STRN3: variants seen among roughly 807,000 people sequenced by gnomAD.
The protein encoded by STRN3 is striatin-3.
In STRN3, 29 loss-of-function variants were observed where a neutral mutation model predicts 95.6. The ratio of observed to expected loss-of-function variants is 0.30; its 90% CI spans 0.23 to 0.41. The LOEUF (loss-of-function observed/expected upper bound fraction) is 0.41, where lower values mean the gene tolerates loss of function less well. Among genes scored for constraint, STRN3 ranks in the 10% least tolerant of loss-of-function variants. STRN3 has a pLI of 1.00. For missense variants in STRN3, 890 were observed against 972.1 expected (o/e 0.92, Z 1.12); for synonymous variants, 331 against 357.6 (o/e 0.93, Z 0.84).
intron 8 of STRN3, among the ~76,000 whole-genome samples, chr14:30,926,132 A>G (rs568517610): frequency 1.3e-5 from 2 of 152,144 alleles, no homozygotes; most frequent in Non-Finnish European, 2.9e-5. Flanking sequence ...AAAGTTTTCA[A>G]TTTATAAACC....
chr14:30,900,810 T>G (rs1277209027), intron 16 of STRN3, among the ~76,000 whole-genome samples: 1 of 151,938 alleles, frequency 6.6e-6, no homozygotes, highest in Non-Finnish European at 1.5e-5. Context: ...ATTATCTTCA[T>G]ACTACAGGTA....
rs1896068436 is a variant in STRN3 at position 30,894,265 on chromosome 14, T to C, written c.*1146A>G. 6.6e-6 allele frequency: 1 copy of C among 152,358 alleles called. No homozygotes were observed. The highest frequency in any genetic ancestry group is 2.4e-5 in the African/African-American group (1 of 41,450). 9.4% of individuals were successfully genotyped at this position (152,358 alleles called of 1,614,324 possible). ...ATATTTTTAAACAAGTTAGTTTTGT[T>C]TGGAATCATGGTAAACCAAGATATA... On this transcript the variant is annotated 3_prime_UTR_variant, in exon 18 of 18. Coordinates refer to ENST00000357479, the MANE Select transcript of STRN3 (RefSeq NM_001083893.2).
chr14:30,962,353 T>C (rs1459962044), intron 1 of STRN3, among the ~76,000 whole-genome samples: 1 of 152,172 alleles, frequency 6.6e-6, no homozygotes. Context: ...TGGTAAGCTA[T>C]TATTGAAGAA....
intron 1 of STRN3, among the ~76,000 whole-genome samples, chr14:30,972,323 A>G (rs556145608): frequency 6.6e-6 from 1 of 152,074 alleles, no homozygotes; most frequent in Non-Finnish European, 1.5e-5. Flanking sequence ...TAAATTAGCC[A>G]ATCGGAATTA....
At chr14:30,913,900 G>A (rs1285371844) in intron 9 of STRN3, among the ~76,000 whole-genome samples, 1 of 151,666 alleles carries the variant, frequency 6.6e-6, no homozygotes, top group Non-Finnish European at 1.5e-5. Flanking sequence ...TGGAAGCTAG[G>A]GCACAAAAGC....
intron 1 of STRN3, chr14:31,018,447 T>C (rs533908038): frequency 7.3e-6 from 3 of 412,536 alleles, no homozygotes; most frequent in Non-Finnish European, 1.4e-5. Flanking sequence ...CTTGTTCCTA[T>C]GACACACCTC....
At chr14:31,017,598 T>C (rs1184126440) in intron 1 of STRN3, among the ~76,000 whole-genome samples, 1 of 152,210 alleles carries the variant, frequency 6.6e-6, no homozygotes, top group Non-Finnish European at 1.5e-5. Flanking sequence ...CTGAGGATTT[T>C]GTATCCTGGA....
chr14:30,920,258 A>C (rs1896847232), intron 8 of STRN3, among the ~76,000 whole-genome samples: 1 of 152,152 alleles, frequency 6.6e-6, no homozygotes, highest in Non-Finnish European at 1.5e-5. Context: ...GAAATGCTTA[A>C]ACAATTTTAC....
Position 30,996,853 on chromosome 14 carries a change from G to A in STRN3, c.282+29051C>T, listed in dbSNP as rs550561681. Among the ~76,000 whole-genome samples, 100 of 151,132 alleles carry A rather than the reference G, an allele frequency of 6.6e-4. 2 individuals carry two copies. The South Asian group carries it at 0.011, about 16-fold the overall frequency. On this transcript the variant is annotated intron_variant, in intron 1 of 17. Coordinates refer to ENST00000357479, the MANE Select transcript of STRN3 (RefSeq NM_001083893.2). ...TGCACTCAGGGCTGGGTGACAGAGC[G>A]AGACTCCATCTCAAAAAAAAAAAAA... is the stretch of plus-strand genomic sequence containing the variant.
At chr14:30,923,617 A>G (rs1896938134) in intron 8 of STRN3, among the ~76,000 whole-genome samples, 1 of 152,190 alleles carries the variant, frequency 6.6e-6, no homozygotes, top group Admixed American at 6.5e-5. Flanking sequence ...ATGAATTTTT[A>G]AAATGGGGAA....
chr14:30,905,127 T>C (rs1594414955), intron 15 of STRN3, among the ~76,000 whole-genome samples: 1 of 152,132 alleles, frequency 6.6e-6, no homozygotes, highest in Non-Finnish European at 1.5e-5. Context: ...CATTTATAGA[T>C]AGGTATTAAA....
chr14:30,952,479 C>T (rs974214690), intron 3 of STRN3, among the ~76,000 whole-genome samples: 3 of 152,108 alleles, frequency 2.0e-5, no homozygotes, highest in African/African-American at 4.8e-5. Flanking sequence ...GCAGGTGGGT[C>T]GCTTGAGCCC....
chr14:30,897,472 C>G (rs1046200202), intron 16 of STRN3, among the ~76,000 whole-genome samples: 10 of 152,086 alleles, frequency 6.6e-5, no homozygotes, highest in African/African-American at 2.4e-4. Context: ...GTAATCCCAG[C>G]TACTAGGGAG....
chr14:30,935,018 C>T, intron 7 of STRN3, 145 bp downstream of exon 7: 1 of 1,012,242 alleles, frequency 9.9e-7, no homozygotes, highest in Non-Finnish European at 1.4e-6. Context: ...TACAAAATAC[C>T]TTGATATTAT....
intron 1 of STRN3, among the ~76,000 whole-genome samples, chr14:30,958,944 C>T (rs551199997): frequency 1.3e-5 from 2 of 152,176 alleles, no homozygotes; most frequent in East Asian, 1.9e-4. Context: ...AATTCCAAAG[C>T]GGTACTGAAC....
chr14:30,931,574 TACAA>T (rs1288529223), intron 7 of STRN3, among the ~76,000 whole-genome samples: 1 of 152,214 alleles, frequency 6.6e-6, no homozygotes, highest in Non-Finnish European at 1.5e-5. Context: ...TATACTTAAG[TACAA>T]ACATTCAGGT....
intron 1 of STRN3, among the ~76,000 whole-genome samples, chr14:30,987,194 C>G (rs1881732682): frequency 6.6e-6 from 1 of 151,932 alleles, no homozygotes; most frequent in South Asian, 2.1e-4. Context: ...GGCATGGCAG[C>G]CGGAAAAAGA....
intron 1 of STRN3, among the ~76,000 whole-genome samples, chr14:30,996,862 T>C (rs2139277545): frequency 6.7e-6 from 1 of 149,524 alleles, no homozygotes. Context: ...CGAGACTCCA[T>C]CTCAAAAAAA....
intron 1 of STRN3, among the ~76,000 whole-genome samples, chr14:30,966,195 G>A (rs1027281051): frequency 2.0e-5 from 3 of 150,558 alleles, no homozygotes; most frequent in Admixed American, 2.0e-4. Flanking sequence ...GCCGACAGGG[G>A]AACAACACGG....
Sources: gnomAD v4.1 joint callset for allele counts (sites outside exome capture counted in the v4.1 genomes callset) on GRCh38, gnomAD v4.1.1 for gene constraint, MANE v1.5 for transcripts, NCBI Gene and HGNC (gene_info 2026-07-23, HGNC 2026-07-21) for gene names.